LRRIQ4: variants seen among roughly 807,000 people sequenced by gnomAD.
The protein encoded by LRRIQ4 is leucine rich repeats and IQ motif containing 4, also known as leucine-rich repeat and IQ domain-containing protein 4.
LRRIQ4 carries 21 observed loss-of-function variants against 40.1 expected under a neutral mutation model. That is an observed-to-expected ratio of 0.52 (90% CI 0.37 to 0.75). The LOEUF (loss-of-function observed/expected upper bound fraction) is 0.75. Among genes scored for constraint, LRRIQ4 ranks in the 30% least tolerant of loss-of-function variants. The probability of loss-of-function intolerance (pLI) is 0.00; values close to 1 mark genes in which losing one functional copy is unlikely to be tolerated. For missense variants in LRRIQ4, 655 were observed against 660.0 expected (o/e 0.99, Z 0.08); for synonymous variants, 277 against 277.1 (o/e 1.00, Z 0.00).
chr3:169,818,585 G>T (rs1385418409), intron 1 of LRRIQ4, among the ~76,000 whole-genome samples: 2 of 152,200 alleles, frequency 1.3e-5, no homozygotes, highest in Non-Finnish European at 2.9e-5. Context: ...CTGTTTTCAA[G>T]GCGAGAAAGG....
At chr3:169,833,500 A>C (rs1780233025) in intron 5 of LRRIQ4, among the ~76,000 whole-genome samples, 1 of 152,250 alleles carries the variant, frequency 6.6e-6, no homozygotes, top group African/African-American at 2.4e-5. Context: ...GTTTGTATTA[A>C]CAAAAGTAGT....
intron 1 of LRRIQ4, among the ~76,000 whole-genome samples, chr3:169,821,453 G>A (rs1478703940): frequency 4.0e-5 from 6 of 150,914 alleles, no homozygotes; most frequent in African/African-American, 1.5e-4. Flanking sequence ...CCAACATGGT[G>A]AAACCCCGTC....
chr3:169,832,301 C>T (rs1158698382), intron 4 of LRRIQ4, among the ~76,000 whole-genome samples: 2 of 151,848 alleles, frequency 1.3e-5, no homozygotes, highest in African/African-American at 4.8e-5. Flanking sequence ...AACCCCATCT[C>T]TACTAAAAAT....
chr3:169,822,748 T>C lies in LRRIQ4; in HGVS notation c.827T>C (p.Ile276Thr). The C allele has an allele frequency of 6.2e-7, 1 of 1,613,786 alleles. No individual in the cohort carries two copies. Among genetic ancestry groups the C allele is most frequent in the Non-Finnish European group, 8.5e-7 (1 of 1,179,768 alleles). The change falls in exon 2 of 6, where the codon ATT becomes ACT. Residue 276 changes from isoleucine to threonine, a missense_variant. Coordinates refer to ENST00000340806, the MANE Select transcript of LRRIQ4 (RefSeq NM_001080460.3). ...GNRLEKVPRL[I>T]CRWTSLHLLY... ...CGCCTGGAGAAGGTGCCACGCCTCA[T>C]TTGCAGGTGGACCTCGCTGCACCTG...
In LRRIQ4 at chr3:169,830,538, C is replaced by T; in HGVS notation, c.1241C>T (p.Pro414Leu). 3 of 1,612,426 alleles carry T rather than the reference C, an allele frequency of 1.9e-6. No individual in the cohort carries two copies. Among genetic ancestry groups the T allele is most frequent in the East Asian group, 2.2e-5 (1 of 44,858 alleles). ...YIENNHLEYL[P>L]VSLGSMPNLE... Reference sequence around the variant, plus strand: ...GAGAACAATCATCTGGAGTACCTGCCCGTATCCTTGGGGTCAATGCCTAAC... The same window carrying T: ...GAGAACAATCATCTGGAGTACCTGCTCGTATCCTTGGGGTCAATGCCTAAC... The change falls in exon 4 of 6, where the codon CCC becomes CTC. Residue 414 changes from proline to leucine, a missense_variant. Physicochemically the swap from Pro to Leu is moderately conservative, Grantham distance 98. Coordinates refer to ENST00000340806, the MANE Select transcript of LRRIQ4 (RefSeq NM_001080460.3).
chr3:169,831,261 CT>C (rs869088396), intron 4 of LRRIQ4, among the ~76,000 whole-genome samples: 1,272 of 33,388 alleles, frequency 0.038, no homozygotes, highest in Non-Finnish European at 0.05. Context: ...TATGGCTATT[CT>C]TTTTTTTTTT....
chr3:169,833,766 G>A (rs544901441), intron 5 of LRRIQ4, among the ~76,000 whole-genome samples: 29 of 152,220 alleles, frequency 1.9e-4, no homozygotes, highest in Admixed American at 1.4e-3. Context: ...GTCCCTGCTT[G>A]CATGCCAGCC....
chr3:169,827,682 G>A (rs564825176), intron 2 of LRRIQ4, among the ~76,000 whole-genome samples: 9 of 151,588 alleles, frequency 5.9e-5, no homozygotes, highest in African/African-American at 1.9e-4. Context: ...ACCGATAGAC[G>A]GACATAATGG....
At chr3:169,816,951 G>A (rs529344702) in intron 1 of LRRIQ4, among the ~76,000 whole-genome samples, 6 of 152,210 alleles carry the variant, frequency 3.9e-5, no homozygotes, top group South Asian at 2.1e-4. Flanking sequence ...GATTACAGGC[G>A]TGAGCTATCA....
chr3:169,815,224 A>G (rs184266636), intron 1 of LRRIQ4, among the ~76,000 whole-genome samples: 2 of 152,318 alleles, frequency 1.3e-5, no homozygotes, highest in East Asian at 3.9e-4. Context: ...ATTGCTTTGG[A>G]TAAAATGGAC....
chr3:169,823,440 C>T (rs1473649289), intron 2 of LRRIQ4, among the ~76,000 whole-genome samples: 3 of 150,130 alleles, frequency 2.0e-5, no homozygotes, highest in African/African-American at 7.4e-5. Flanking sequence ...GTCCACCTCC[C>T]GGGTTCAAGC....
At position 169,822,066 on chromosome 3, in the gene LRRIQ4, G is replaced by A. The variant is rs770031066; in HGVS notation, c.145G>A (p.Glu49Lys). Residue 49 changes from glutamate (E) to lysine (K), a missense_variant, in exon 2 of 6, where the codon GAA (glutamate) becomes AAA (lysine). Transcript: ENST00000340806. ...TCCTTTGGAGATCTTCACATTCACAGAATTAGAAGAAGTGCATTTGGAGAA... is the reference window on the plus strand; with the variant it reads ...TCCTTTGGAGATCTTCACATTCACAAAATTAGAAGAAGTGCATTTGGAGAA... ...AIPLEIFTFTELEEVHLENNQ... is the reference protein window; with the variant it reads ...AIPLEIFTFTKLEEVHLENNQ... The A allele has an allele frequency of 2.5e-6, 4 of 1,604,670 alleles. No individual in the cohort carries two copies. In the Middle Eastern group the frequency reaches 6.7e-4, roughly 268 times the overall value.
At chr3:169,834,659 T>G (rs1780266029) in intron 5 of LRRIQ4, among the ~76,000 whole-genome samples, 1 of 152,200 alleles carries the variant, frequency 6.6e-6, no homozygotes. Context: ...TTACAAATAC[T>G]CAAACAAGTT....
At chr3:169,827,665 G>A (rs1206956978) in intron 2 of LRRIQ4, among the ~76,000 whole-genome samples, 8 of 148,204 alleles carry the variant, frequency 5.4e-5, no homozygotes, top group African/African-American at 1.5e-4. Context: ...CCATGGTCCA[G>A]AAAGAAACCG....
intron 5 of LRRIQ4, among the ~76,000 whole-genome samples, chr3:169,833,883 CT>C (rs1308711450): frequency 2.0e-5 from 3 of 152,186 alleles, no homozygotes; most frequent in Non-Finnish European, 2.9e-5. Context: ...GTAAAACCCC[CT>C]CTCAATAGCC....
Position 169,822,550 on chromosome 3 carries a change from T to C in LRRIQ4, c.629T>C (p.Leu210Pro), listed in dbSNP as rs1779928914. ...IGAIPEEIGH[L>P]TGLQKFYMAS... ...GCCATCCCAGAAGAGATCGGACACC[T>C]GACGGGGCTGCAGAAGTTCTATATG... The change falls in exon 2 of 6, where the codon CTG becomes CCG. Residue 210 changes from leucine (L) to proline (P), a missense_variant. By Grantham distance (98) the Leu-to-Pro change is moderately conservative (BLOSUM62 -3). Transcript: ENST00000340806. 1 of 1,613,852 alleles carries C rather than the reference T, an allele frequency of 6.2e-7. No homozygotes were observed. Among genetic ancestry groups the C allele is most frequent in the Admixed American group, 1.7e-5 (1 of 60,006 alleles).
chr3:169,817,478 G>T (rs6793160), intron 1 of LRRIQ4, among the ~76,000 whole-genome samples: 76,379 of 152,022 alleles, frequency 0.5, 20,371 homozygotes, highest in East Asian at 0.74. Flanking sequence ...GTCCAATGCT[G>T]CTTTGTTGGT....
In LRRIQ4 at chr3:169,822,188, G is replaced by C. The variant is rs544507941; in HGVS notation, c.267G>C (p.Ala89=). The change falls in exon 2 of 6, where the codon GCG becomes GCC. Residue 89 remains alanine (A), a synonymous_variant. Coordinates refer to ENST00000340806, the MANE Select transcript of LRRIQ4 (RefSeq NM_001080460.3). ...DKNNLRSLCP[A]LGLLSSLESL... ...ACAACCTGAGGAGCCTGTGCCCGGC[G>C]CTGGGGCTGCTGAGCAGCCTGGAGA... is the stretch of plus-strand genomic sequence containing the variant. 1.2e-6 allele frequency: 2 copies of C among 1,604,042 alleles called. No homozygotes were observed. The highest frequency in any genetic ancestry group is 2.2e-5 in the East Asian group (1 of 44,848).
chr3:169,834,483 G>T (rs778698350), intron 5 of LRRIQ4, among the ~76,000 whole-genome samples: 1 of 152,160 alleles, frequency 6.6e-6, no homozygotes, highest in Non-Finnish European at 1.5e-5. Context: ...CCTCTTGCAC[G>T]TTCTTAAAAT....
Sources: allele counts gnomAD v4.1 joint callset (sites outside exome capture counted in the v4.1 genomes callset), GRCh38; gene constraint gnomAD v4.1.1; transcripts MANE v1.5; gene names NCBI Gene and HGNC (gene_info 2026-07-23, HGNC 2026-07-21).